The following SHISA9 variants were observed in gnomAD, a reference collection of about 807,000 sequenced individuals.
SHISA9 encodes protein shisa-9.
SHISA9 carries 13 observed loss-of-function variants against 38.0 expected under a neutral mutation model. The ratio of observed to expected loss-of-function variants is 0.34; its 90% confidence interval spans 0.22 to 0.54. The LOEUF (loss-of-function observed/expected upper bound fraction) is 0.54. Ranked by LOEUF, SHISA9 falls within the 20% of genes least tolerant of loss-of-function variation. The probability of loss-of-function intolerance (pLI) is 0.91; values close to 1 mark genes in which losing one functional copy is unlikely to be tolerated. For synonymous variants in SHISA9, 275 were observed against 242.0 expected, an observed-to-expected ratio of 1.14 and a Z score of -1.27; for missense variants, 538 against 575.8, an observed-to-expected ratio of 0.93 and a Z score of 0.67.
intron 2 of SHISA9, among the ~76,000 whole-genome samples, chr16:13,125,581 T>C (rs1414895807): frequency 6.6e-6 from 1 of 152,226 alleles, no homozygotes; most frequent in South Asian, 2.1e-4. Flanking sequence ...TGAGACACTA[T>C]ATTAGTCTAC....
intron 2 of SHISA9, among the ~76,000 whole-genome samples, chr16:13,114,577 C>T (rs1433042071): frequency 6.6e-6 from 1 of 151,046 alleles, no homozygotes; most frequent in African/African-American, 2.4e-5. Context: ...TTGCTAACAA[C>T]ATGTCTTCAA....
chr16:13,249,921 C>T, the SHISA9 span, among the ~76,000 whole-genome samples: 4 of 151,998 alleles, frequency 2.6e-5, no homozygotes, highest in African/African-American at 2.4e-5. Flanking sequence ...TTTTGTAGAG[C>T]CAGGGTTTTG....
At chr16:12,929,855 G>T (rs1044840598) in intron 2 of SHISA9, among the ~76,000 whole-genome samples, 3 of 152,186 alleles carry the variant, frequency 2.0e-5, no homozygotes, top group South Asian at 2.1e-4. Flanking sequence ...CACTTCAGGG[G>T]TTTTACATAC....
At chr16:13,545,653 C>T in the SHISA9 span, among the ~76,000 whole-genome samples, 2 of 152,168 alleles carry the variant, frequency 1.3e-5, no homozygotes, top group African/African-American at 2.4e-5. Context: ...TGTTGCGTCC[C>T]CTGGCAGGAG....
the SHISA9 span, among the ~76,000 whole-genome samples, chr16:13,373,387 A>G: frequency 1.3e-5 from 2 of 152,210 alleles, no homozygotes; most frequent in Admixed American, 6.5e-5. Context: ...CCTGTCTTCA[A>G]TGAGGGAATC....
chr16:12,949,919 A>T (rs2071733375), intron 2 of SHISA9, among the ~76,000 whole-genome samples: 1 of 152,164 alleles, frequency 6.6e-6, no homozygotes, highest in Non-Finnish European at 1.5e-5. Context: ...ATAAATTGTT[A>T]TTAATTATAG....
At chr16:13,440,965 G>A in the SHISA9 span, among the ~76,000 whole-genome samples, 8 of 152,100 alleles carry the variant, frequency 5.3e-5, no homozygotes, top group South Asian at 2.1e-4. Context: ...CCAGATCCCG[G>A]GAGGGATAAT....
the SHISA9 span, among the ~76,000 whole-genome samples, chr16:13,559,218 T>C: frequency 2.0e-4 from 31 of 152,116 alleles, no homozygotes; most frequent in Non-Finnish European, 2.9e-5. Context: ...CACAGAGATG[T>C]GGGATGTGAA....
chr16:13,097,652 C>T (rs1435276549), intron 2 of SHISA9, among the ~76,000 whole-genome samples: 2 of 152,134 alleles, frequency 1.3e-5, no homozygotes, highest in Admixed American at 1.3e-4. Flanking sequence ...GATTCTCCTG[C>T]CTTGGCCTCC....
chr16:13,357,206 C>A, the SHISA9 span, among the ~76,000 whole-genome samples: 22 of 152,262 alleles, frequency 1.4e-4, no homozygotes, highest in African/African-American at 4.8e-4. Flanking sequence ...GGGGTTCTTG[C>A]CCCCTAGGAA....
the SHISA9 span, among the ~76,000 whole-genome samples, chr16:13,545,840 G>C: frequency 6.6e-6 from 1 of 152,184 alleles, no homozygotes; most frequent in African/African-American, 2.4e-5. Flanking sequence ...TGGCCAATCA[G>C]AGCAGCTCAT....
intron 2 of SHISA9, among the ~76,000 whole-genome samples, chr16:12,945,134 G>A (rs541267648): frequency 3.0e-4 from 46 of 152,276 alleles, no homozygotes; most frequent in African/African-American, 1.1e-3. Context: ...TGAGAACCAC[G>A]TGTGTTTTTT....
At chr16:12,962,002 G>A (rs1385190642) in intron 2 of SHISA9, among the ~76,000 whole-genome samples, 2 of 152,216 alleles carry the variant, frequency 1.3e-5, no homozygotes, top group African/African-American at 2.4e-5. Context: ...TGTCCCTGTG[G>A]CGACGTCAAC....
chr16:12,902,248 G>T lies in SHISA9; in HGVS notation c.184G>T (p.Asp62Tyr). Residue 62 changes from aspartate (D) to tyrosine (Y), a missense_variant, in exon 1 of 5, where the codon GAC (aspartate) becomes TAC (tyrosine). By Grantham distance (160) the Asp-to-Tyr change is radical. Coordinates refer to ENST00000558583, the MANE Select transcript of SHISA9 (RefSeq NM_001145204.3). ...GGCCAGCGAGGGCGCTGAGGCATCG[G>T]ACGCGCCCCCGACCCGGGCGCCCAC... is the stretch of plus-strand genomic sequence containing the variant. ...GEASEGAEAS[D>Y]APPTRAPTPD... 6.5e-7 allele frequency: 1 copy of T among 1,544,736 alleles called. No individual in the cohort carries two copies. The highest frequency in any genetic ancestry group is 8.7e-7 in the Non-Finnish European group (1 of 1,146,586).
the SHISA9 span, among the ~76,000 whole-genome samples, chr16:13,296,207 C>A: frequency 1.3e-5 from 2 of 151,214 alleles, no homozygotes; most frequent in South Asian, 2.1e-4. Context: ...GAAAAGACTT[C>A]TGCTTTTTTG....
At chr16:13,105,847 T>C (rs1466018645) in intron 2 of SHISA9, among the ~76,000 whole-genome samples, 1 of 152,170 alleles carries the variant, frequency 6.6e-6, no homozygotes, top group African/African-American at 2.4e-5. Flanking sequence ...TTGAGGAACA[T>C]TGAGCATGTT....
Position 12,902,100 on chromosome 16 carries a change from C to T in SHISA9, c.36C>T (p.Phe12=), listed in dbSNP as rs1210790165. The part of the protein sequence containing the change: ...RRVLRLLLGC[F]LTELCARVCR... ...TCCTTCGGCTGCTCCTCGGTTGCTT[C>T]CTCACCGAGCTGTGCGCCCGCGTGT... The change falls in exon 1 of 5, where the codon TTC becomes TTT. Residue 12 remains phenylalanine (F), a synonymous_variant. Transcript: ENST00000558583. 6.0e-6 allele frequency: 9 copies of T among 1,496,570 alleles called. No homozygotes were observed. Among genetic ancestry groups the T allele is most frequent in the Admixed American group, 4.4e-5 (2 of 45,234 alleles). 92.7% of individuals were successfully genotyped at this position (1,496,570 alleles called of 1,614,324 possible). A position where few individuals can be genotyped will look rare whatever the true frequency, so the allele number is the denominator to read the frequency against.
chr16:13,386,417 A>G, the SHISA9 span, among the ~76,000 whole-genome samples: 1 of 152,280 alleles, frequency 6.6e-6, no homozygotes, highest in Middle Eastern at 3.4e-3. Context: ...TTGAATTCAG[A>G]CAAGTCTGGA....
At chr16:13,541,568 T>C in the SHISA9 span, among the ~76,000 whole-genome samples, 4 of 152,158 alleles carry the variant, frequency 2.6e-5, no homozygotes, top group Non-Finnish European at 5.9e-5. Flanking sequence ...ATTGAAGACC[T>C]CAACATTTAA....
Sources: gnomAD v4.1 joint callset for allele counts (sites outside exome capture counted in the v4.1 genomes callset) on GRCh38, gnomAD v4.1.1 for gene constraint, MANE v1.5 for transcripts, NCBI Gene and HGNC (gene_info 2026-07-23, HGNC 2026-07-21) for gene names.